Variants in SPTB observed in about 807,000 individuals in gnomAD.
SPTB encodes the protein spectrin beta, erythrocytic.
Under a neutral mutation model 256.2 loss-of-function variants are expected in SPTB, and 45 were observed. That is an observed-to-expected ratio of 0.18 (90% confidence interval 0.14 to 0.23). The LOEUF (loss-of-function observed/expected upper bound fraction) is 0.23, where lower values mean the gene tolerates loss of function less well. SPTB is among the 10% of genes least tolerant of loss of function. SPTB has a pLI of 1.00. For synonymous variants in SPTB, 1,231 were observed against 1,243.1 expected (o/e 0.99, Z 0.21); for missense variants, 2,715 against 3,040.4 (o/e 0.89, Z 2.52).
chr14:64,874,830 TC>T (rs1223151251), intron 1 of SPTB, among the ~76,000 whole-genome samples: 2 of 152,252 alleles, frequency 1.3e-5, no homozygotes, highest in African/African-American at 2.4e-5. Flanking sequence ...TGGTGGAAAC[TC>T]CTAAATTGAC....
rs2081878195 is a variant in SPTB at position 64,748,174 on chromosome 14, C to T, written c.*1132G>A. On this transcript the variant is annotated 3_prime_UTR_variant, in exon 36 of 36. Transcript: ENST00000644917. ...TGTCACATGGGTGGTGATACCAAGA[C>T]ATGGCTGCGTCTGCCACCCCGAGAA... The T allele has an allele frequency of 3.3e-5, 5 of 149,726 alleles. No homozygotes were observed. Among genetic ancestry groups the T allele is most frequent in the Admixed American group, 3.3e-4 (5 of 15,210 alleles). The allele number at this position is 149,726 out of a possible 1,614,324, so 9.3% of individuals were successfully genotyped here. A position where few individuals can be genotyped will look rare whatever the true frequency, so the allele number is the denominator to read the frequency against.
rs1055813216 is a variant in SPTB, at chr14:64,759,848, G to A, written c.6346-6055C>T. ...GAAGAAATTCTGGGTGTCCAGTTGC[G>A]GGCAGCAAGGGAGTCTAGACCATAA... is the stretch of plus-strand genomic sequence containing the variant. On this transcript the variant is annotated intron_variant, in intron 32 of 35. Transcript: ENST00000644917. The surrounding 1 kb of genome is among the most constrained non-coding windows in gnomAD (Gnocchi z 4.8). Among the ~76,000 whole-genome samples, 8 of 152,334 alleles carry A rather than the reference G, an allele frequency of 5.3e-5. No homozygotes were observed. The South Asian group carries it at 6.2e-4, about 12-fold the overall frequency.
chr14:64,859,368 G>A (rs919429841), intron 1 of SPTB, among the ~76,000 whole-genome samples: 6 of 152,154 alleles, frequency 3.9e-5, no homozygotes, highest in African/African-American at 7.2e-5. Flanking sequence ...ATGCATATGC[G>A]GAAAGATGAT....
At position 64,751,867 on chromosome 14, in the gene SPTB, C is replaced by T. The variant is rs558707949; in HGVS notation, c.6602+1670G>A. ...GGGAGGCTGAGGCAGGCGGATCATG[C>T]GGTCAGGAGTTCGAGACCAGCCTGA... On this transcript the variant is annotated intron_variant, in intron 33 of 35. Transcript: ENST00000644917. 4.7e-4 allele frequency among the ~76,000 whole-genome samples: 69 copies of T among 147,078 alleles called. 3 individuals carry two copies. In the South Asian group the frequency reaches 0.013, roughly 28 times the overall value.
At chr14:64,763,073 G>T (rs1289256200) in intron 32 of SPTB, among the ~76,000 whole-genome samples, 1 of 152,190 alleles carries the variant, frequency 6.6e-6, no homozygotes, top group Non-Finnish European at 1.5e-5. Flanking sequence ...TTAGCCTGGG[G>T]GGACTTGCAG....
intron 8 of SPTB, 66 bp from the exon 9 acceptor site, chr14:64,800,000 G>A (rs1381020842): frequency 1.1e-5 from 18 of 1,583,716 alleles, no homozygotes; most frequent in Non-Finnish European, 1.5e-5. Context: ...ATATCAATGA[G>A]GACCACAATC....
At chr14:64,838,931 G>A (rs1006181530) in intron 1 of SPTB, among the ~76,000 whole-genome samples, 1 of 152,090 alleles carries the variant, frequency 6.6e-6, no homozygotes, top group Non-Finnish European at 1.5e-5. Flanking sequence ...TAAGAAGTTT[G>A]AGACCAGCCT....
intron 1 of SPTB, among the ~76,000 whole-genome samples, chr14:64,828,714 T>A (rs1337777350): frequency 2.0e-5 from 3 of 152,234 alleles, no homozygotes; most frequent in Non-Finnish European, 4.4e-5. Flanking sequence ...GCCACTGGCC[T>A]CTCTCAGAAT....
At chr14:64,770,547 T>C (rs951718566) in intron 27 of SPTB, among the ~76,000 whole-genome samples, 1 of 152,210 alleles carries the variant, frequency 6.6e-6, no homozygotes, top group Non-Finnish European at 1.5e-5. Flanking sequence ...GGGAGAAGAA[T>C]GCGCAGTCTT....
intron 1 of SPTB, among the ~76,000 whole-genome samples, chr14:64,869,806 A>G (rs1379573930): frequency 1.6e-5 from 2 of 122,144 alleles, no homozygotes; most frequent in Admixed American, 1.7e-4. Flanking sequence ...TTTCTTTTTA[A>G]TTTTTGTAGA....
intron 2 of SPTB, among the ~76,000 whole-genome samples, chr14:64,815,676 CAG>C (rs977516686): frequency 6.6e-6 from 1 of 152,156 alleles, no homozygotes; most frequent in Admixed American, 6.5e-5. Flanking sequence ...CTTTAGTGAA[CAG>C]AGAGAGTTTC....
intron 1 of SPTB, among the ~76,000 whole-genome samples, chr14:64,879,219 G>A (rs1190907017): frequency 7.9e-5 from 12 of 152,240 alleles, no homozygotes; most frequent in African/African-American, 2.9e-4. Flanking sequence ...CGGTCTACAC[G>A]GGGTCACTCT....
Position 64,785,713 on chromosome 14 carries a change from C to T in SPTB, c.3764+36G>A. 2.5e-6 allele frequency: 4 copies of T among 1,613,638 alleles called. No individual in the cohort carries two copies. Among genetic ancestry groups the T allele is most frequent in the Non-Finnish European group, 3.4e-6 (4 of 1,179,538 alleles). On this transcript the variant is annotated intron_variant, in intron 17 of 35. Transcript: ENST00000644917. The surrounding 1 kb of genome is among the most constrained non-coding windows in gnomAD (Gnocchi z 4.4). The stretch of plus-strand genomic sequence containing the variant: ...TGGGGTCCTCACTACCCCCGTGTGG[C>T]TCTGGGGGCCTCGTGGCCCTGGGGC...
intron 12 of SPTB, among the ~76,000 whole-genome samples, chr14:64,794,877 G>A (rs1334545223): frequency 2.0e-5 from 3 of 152,218 alleles, no homozygotes; most frequent in African/African-American, 4.8e-5. Context: ...CAGGGTTGGG[G>A]CCTGGCCATG....
chr14:64,873,510 T>G lies in SPTB; in HGVS notation c.-52+6282A>C, dbSNP rs956483443. On this transcript the variant is annotated intron_variant, in intron 1 of 35. Coordinates refer to ENST00000644917, the MANE Select transcript of SPTB (RefSeq NM_001355436.2). This position sits in a 1 kb window ranked among gnomAD's most constrained non-coding sequence, Gnocchi z 4.3. ...AATTAACGGGCAGATGAACCCTTCA[T>G]TTATCTATGGCATGCTACTGAGAAT... Among the ~76,000 whole-genome samples the G allele has an allele frequency of 1.3e-5, 2 of 152,172 alleles. No individual in the cohort carries two copies. Among genetic ancestry groups the G allele is most frequent in the Non-Finnish European group, 2.9e-5 (2 of 68,042 alleles).
intron 1 of SPTB, among the ~76,000 whole-genome samples, chr14:64,860,036 TC>T (rs1047471829): frequency 2.0e-5 from 3 of 152,054 alleles, no homozygotes; most frequent in South Asian, 2.1e-4. Context: ...AAAATACTTT[TC>T]CCCCCTAGAA....
Position 64,791,826 on chromosome 14 carries a change from G to C in SPTB, c.2697C>G (p.Thr899=). The change falls in exon 15 of 36, where the codon ACC becomes ACG. Residue 899 remains threonine, a synonymous_variant. Coordinates refer to ENST00000644917, the MANE Select transcript of SPTB (RefSeq NM_001355436.2). The part of the protein sequence containing the change: ...RFDILDQEMK[T]LMTQIDGVNL... ...TCACACCATCAATCTGAGTCATCAAGGTCTTCATCTCCTGGTCCAGGATGT... is the reference window on the plus strand; with the variant it reads ...TCACACCATCAATCTGAGTCATCAACGTCTTCATCTCCTGGTCCAGGATGT... 2 of 1,614,188 alleles carry C rather than the reference G, an allele frequency of 1.2e-6. No homozygotes were observed. Among genetic ancestry groups the C allele is most frequent in the Non-Finnish European group, 1.7e-6 (2 of 1,180,044 alleles).
intron 1 of SPTB, among the ~76,000 whole-genome samples, chr14:64,840,946 A>G (rs1217776952): frequency 3.3e-5 from 5 of 152,216 alleles, no homozygotes; most frequent in Admixed American, 6.5e-5. Context: ...CTTAGCCTCA[A>G]GGAGCTTATA....
chr14:64,819,540 GGA>G (rs4027215), intron 2 of SPTB, among the ~76,000 whole-genome samples: 13,287 of 152,162 alleles, frequency 0.087, 637 homozygotes, highest in African/African-American at 0.12. Flanking sequence ...ATAGTCTTAT[GGA>G]GAGAGAGAGA....
Sources: gnomAD v4.1 joint callset for allele counts (sites outside exome capture counted in the v4.1 genomes callset) on GRCh38, gnomAD v4.1.1 for gene constraint, Gnocchi (gnomAD v3.1) non-coding constraint, MANE v1.5 for transcripts, NCBI Gene and HGNC (gene_info 2026-07-23, HGNC 2026-07-21) for gene names.